Variants in STX1B observed in about 807,000 individuals in gnomAD.
STX1B encodes syntaxin 1B, also known as syntaxin-1B.
Under a neutral mutation model 39.4 loss-of-function variants are expected in STX1B, and 7 were observed. That is an observed-to-expected ratio of 0.18 (90% CI 0.10 to 0.33). STX1B has a LOEUF of 0.33. STX1B is among the 10% of genes least tolerant of loss of function. STX1B has a pLI of 1.00. For missense variants in STX1B, 198 were observed against 383.2 expected, an observed-to-expected ratio of 0.52 and a Z score of 4.04; for synonymous variants, 136 against 144.1, an observed-to-expected ratio of 0.94 and a Z score of 0.40.
intron 7 of STX1B, 53 bp downstream of exon 7, chr16:30,996,630 G>C: frequency 1.3e-6 from 2 of 1,552,196 alleles, no homozygotes; most frequent in Non-Finnish European, 1.8e-6. Context: ...CTGAACTTAG[G>C]GAGGGGAGGC....
chr16:30,989,573 T>C lies in STX1B; in HGVS notation c.*3248A>G, dbSNP rs117126734. 919 of 152,338 alleles carry C rather than the reference T, an allele frequency of 6.0e-3. 12 individuals carry two copies. The highest frequency in any genetic ancestry group is 7.5e-3 in the Non-Finnish European group (513 of 68,126). 9.4% of individuals were successfully genotyped at this position (152,338 alleles called of 1,614,324 possible). ...AAACAGAGAAGGGGGCAGGGGCTCA[T>C]GTCAGCAAACACGGCTACATCACGT... On this transcript the variant is annotated 3_prime_UTR_variant, in exon 10 of 10. Coordinates refer to ENST00000215095, the MANE Select transcript of STX1B (RefSeq NM_052874.5).
chr16:31,006,901 G>A (rs2056657600), intron 1 of STX1B, among the ~76,000 whole-genome samples: 4 of 152,128 alleles, frequency 2.6e-5, no homozygotes, highest in Middle Eastern at 3.2e-3. Context: ...GATCATTTGA[G>A]GCCAGGAGTT....
At chr16:30,993,284 C>G (rs1388325256) in intron 8 of STX1B, 44 bp from the exon 9 acceptor site, 7 of 1,613,368 alleles carry the variant, frequency 4.3e-6, no homozygotes, top group Non-Finnish European at 5.9e-6. Context: ...GGGGGCTGGG[C>G]TGGAAGAGGG....
intron 7 of STX1B, among the ~76,000 whole-genome samples, chr16:30,993,806 G>A (rs1040508272): frequency 6.6e-6 from 1 of 152,074 alleles, no homozygotes; most frequent in African/African-American, 2.4e-5. Flanking sequence ...CCAACATGGC[G>A]AAACCTCGTC....
In STX1B at chr16:31,001,603, C is replaced by T; in HGVS notation, c.31G>A (p.Ala11Thr). The change falls in exon 2 of 10, where the codon GCG (alanine) becomes ACG (threonine). Residue 11 changes from alanine to threonine, a missense_variant and splice_region_variant. By Grantham distance (58) the Ala-to-Thr change is moderately conservative (BLOSUM62 0). Transcript: ENST00000215095. This position sits in a 1 kb window ranked among gnomAD's most constrained non-coding sequence, Gnocchi z 5.5. ...TCCTCTTCATCATCACTGTCTTTCG[C>T]CTGGGGACAAGGAAGGCTGAGTCCA... MKDRTQELRS[A>T]KDSDDEEEVV... is the part of the protein sequence containing the mutation. 6.2e-7 allele frequency: 1 copy of T among 1,612,928 alleles called. No homozygotes were observed. The highest frequency in any genetic ancestry group is 8.5e-7 in the Non-Finnish European group (1 of 1,179,642).
chr16:30,992,090 G>GACACACACACAC lies in STX1B; in HGVS notation c.*719_*730dup, dbSNP rs55683703. ...CTATCAATACTTCAGGCACATCCTG[G>GACACACACACAC]ACACACACACACACACACACACACA... On this transcript the variant is annotated 3_prime_UTR_variant, in exon 10 of 10. Transcript: ENST00000215095. 2 of 147,066 alleles carry GACACACACACAC rather than the reference G, an allele frequency of 1.4e-5. No homozygotes were observed. The highest frequency in any genetic ancestry group is 3.0e-5 in the Non-Finnish European group (2 of 66,676). The allele number at this position is 147,066 out of a possible 1,614,324, so 9.1% of individuals were successfully genotyped here. A position where few individuals can be genotyped will look rare whatever the true frequency, so the allele number is the denominator to read the frequency against.
Position 30,990,551 on chromosome 16 carries a change from TAC to T in STX1B, c.*2268_*2269del, listed in dbSNP as rs1397298227. On this transcript the variant is annotated 3_prime_UTR_variant, in exon 10 of 10. Coordinates refer to ENST00000215095, the MANE Select transcript of STX1B (RefSeq NM_052874.5). ...AATGCACACACAATGTACACACACA[TAC>T]AATGCACACACACGTACGCTTCACA... 1 of 151,870 alleles carries T rather than the reference TAC, an allele frequency of 6.6e-6. No individual in the cohort carries two copies. The highest frequency in any genetic ancestry group is 1.5e-5 in the Non-Finnish European group (1 of 67,840). 9.4% of individuals were successfully genotyped at this position (151,870 alleles called of 1,614,324 possible).
chr16:31,007,186 T>G (rs771540607), intron 1 of STX1B, among the ~76,000 whole-genome samples: 2 of 152,104 alleles, frequency 1.3e-5, no homozygotes, highest in Admixed American at 6.5e-5. Context: ...CCAGGGTTCG[T>G]TGGTCTCTGC....
rs2056597689 is a variant in STX1B at position 30,997,078 on chromosome 16, G to A, written c.355-19C>T. ...TGGAGTGCTACGGTGGGGGTGGGGGGACAGACGGATCAGGGAGGTAGTCAG... is the reference window on the plus strand; with the variant it reads ...TGGAGTGCTACGGTGGGGGTGGGGGAACAGACGGATCAGGGAGGTAGTCAG... On this transcript the variant is annotated intron_variant, in intron 5 of 9. Coordinates refer to ENST00000215095, the MANE Select transcript of STX1B (RefSeq NM_052874.5). 3 of 1,538,990 alleles carry A rather than the reference G, an allele frequency of 1.9e-6. No homozygotes were observed. Among genetic ancestry groups the A allele is most frequent in the African/African-American group, 1.4e-5 (1 of 73,512 alleles).
At chr16:30,997,705 T>G in intron 4 of STX1B, 130 bp from the exon 5 acceptor site, 1 of 850,852 alleles carries the variant, frequency 1.2e-6, no homozygotes, top group Non-Finnish European at 1.8e-6. Flanking sequence ...CAGGGCGAGT[T>G]GCGGGCAGCG....
At chr16:31,000,288 G>A (rs1012766074) in intron 4 of STX1B, among the ~76,000 whole-genome samples, 7 of 150,602 alleles carry the variant, frequency 4.6e-5, no homozygotes, top group African/African-American at 1.7e-4. Context: ...TTATAGGCAT[G>A]AGCTACCACG....
At chr16:31,006,630 G>A (rs1215527810) in intron 1 of STX1B, among the ~76,000 whole-genome samples, 1 of 152,172 alleles carries the variant, frequency 6.6e-6, no homozygotes, top group Non-Finnish European at 1.5e-5. Flanking sequence ...ATTGTGGAAG[G>A]ATTTCTACAG....
At chr16:31,005,475 T>C (rs1158202565) in intron 1 of STX1B, among the ~76,000 whole-genome samples, 1 of 143,512 alleles carries the variant, frequency 7.0e-6, no homozygotes, top group African/African-American at 2.6e-5. Context: ...TTTTCCTTTT[T>C]TTTTTTTTTT....
chr16:31,007,680 A>G (rs1203724326), intron 1 of STX1B, among the ~76,000 whole-genome samples: 1 of 152,116 alleles, frequency 6.6e-6, no homozygotes, highest in East Asian at 1.9e-4. Context: ...TCTGGCCCTC[A>G]ATGTACTCCA....
intron 4 of STX1B, among the ~76,000 whole-genome samples, chr16:30,998,944 C>T (rs2056609850): frequency 6.6e-6 from 1 of 152,168 alleles, no homozygotes; most frequent in Non-Finnish European, 1.5e-5. Context: ...AGAGGTCAGG[C>T]AGGTAGGTGC....
At chr16:31,009,176 T>A (rs2056668648) in intron 1 of STX1B, among the ~76,000 whole-genome samples, 1 of 152,042 alleles carries the variant, frequency 6.6e-6, no homozygotes, top group African/African-American at 2.4e-5. Context: ...AGGGGACAGC[T>A]CTTCACCCCC....
At chr16:30,995,072 T>C (rs2143665438) in intron 7 of STX1B, among the ~76,000 whole-genome samples, 1 of 151,884 alleles carries the variant, frequency 6.6e-6, no homozygotes, top group South Asian at 2.1e-4. Flanking sequence ...CCACCATGCC[T>C]GGCTAATTAA....
rs1555494660 is a variant in STX1B, at chr16:31,001,484, GT to G, written c.105+44del. ...CGGTGGGACTAGGGGCTGGGGCTGGGTGCTGGGGCTGGGGCTGGGGCTGGGG... is the reference window on the plus strand; with the variant it reads ...CGGTGGGACTAGGGGCTGGGGCTGGGGCTGGGGCTGGGGCTGGGGCTGGGG... On this transcript the variant is annotated intron_variant, in intron 2 of 9. Coordinates refer to ENST00000215095, the MANE Select transcript of STX1B (RefSeq NM_052874.5). This position sits in a 1 kb window ranked among gnomAD's most constrained non-coding sequence, Gnocchi z 5.5. 1 of 1,460,568 alleles carries G rather than the reference GT, an allele frequency of 6.8e-7. No homozygotes were observed. The highest frequency in any genetic ancestry group is 9.4e-7 in the Non-Finnish European group (1 of 1,067,492). 90.5% of individuals were successfully genotyped at this position (1,460,568 alleles called of 1,614,324 possible). A position where few individuals can be genotyped will look rare whatever the true frequency, so the allele number is the denominator to read the frequency against.
intron 1 of STX1B, among the ~76,000 whole-genome samples, chr16:31,008,754 C>T (rs1296929785): frequency 6.6e-6 from 1 of 152,126 alleles, no homozygotes; most frequent in African/African-American, 2.4e-5. Flanking sequence ...GCCGGCCTGC[C>T]TGGGTTTGAA....
Sources: allele counts gnomAD v4.1 joint callset (sites outside exome capture counted in the v4.1 genomes callset), GRCh38; gene constraint gnomAD v4.1.1; non-coding constraint Gnocchi (gnomAD v3.1); transcripts MANE v1.5; gene names NCBI Gene and HGNC (gene_info 2026-07-23, HGNC 2026-07-21).